The following MECOM variants were observed in gnomAD, a reference collection of about 807,000 sequenced individuals.
MECOM encodes the protein MDS1 and EVI1 complex locus.
MECOM carries 13 observed loss-of-function variants against 116.3 expected under a neutral mutation model. The observed-to-expected ratio is 0.11, with a 90% CI of 0.07 to 0.18. The LOEUF (loss-of-function observed/expected upper bound fraction) is 0.18. MECOM is among the 10% of genes least tolerant of loss of function. MECOM has a pLI of 1.00. For missense variants in MECOM, 1,299 were observed against 1,509.0 expected (o/e 0.86, Z 2.31); for synonymous variants, 528 against 535.2 (o/e 0.99, Z 0.19).
At chr3:169,588,988 A>G (rs556372846) in intron 1 of MECOM, among the ~76,000 whole-genome samples, 2 of 152,292 alleles carry the variant, frequency 1.3e-5, no homozygotes, top group Admixed American at 6.5e-5. Context: ...AAGAACCACC[A>G]TGTCCAATTA....
rs1776055961 is a variant in MECOM at position 169,659,909 on chromosome 3, G to A, written c.37+3427C>T. On this transcript the variant is annotated intron_variant, in intron 1 of 16. Coordinates refer to ENST00000651503, the MANE Select transcript of MECOM (RefSeq NM_004991.4). ...CAGAGAGCAAGTGTAGGAGTAACAA[G>A]TGCCCCCCTTGCCGCGGTCTTGCTA... is the stretch of plus-strand genomic sequence containing the variant. 2.0e-5 allele frequency among the ~76,000 whole-genome samples: 3 copies of A among 152,072 alleles called. No homozygotes were observed. The South Asian group carries it at 6.2e-4, about 32-fold the overall frequency.
In MECOM at chr3:169,102,128, G is replaced by T. The variant is rs778563448; in HGVS notation, c.2703C>A (p.Asn901Lys). The T allele has an allele frequency of 1.1e-5, 18 of 1,613,944 alleles. No homozygotes were observed. Among genetic ancestry groups the T allele is most frequent in the Non-Finnish European group, 1.0e-5 (12 of 1,179,902 alleles). ...GCAGGGCATTGGGAGGCGCCCTGAA[G>T]TTGAACATAGAGGGCACTGACTGTA... ...ELLQSVPSMF[N>K]FRAPPNALPE... The change falls in exon 11 of 17, where the codon AAC becomes AAA. Residue 901 changes from asparagine (N) to lysine (K), a missense_variant. Transcript: ENST00000651503.
intron 1 of MECOM, among the ~76,000 whole-genome samples, chr3:169,564,596 C>A (rs535004116): frequency 1.6e-4 from 25 of 152,252 alleles, no homozygotes; most frequent in African/African-American, 5.5e-4. Context: ...AGTGCCCCCC[C>A]AAAAAATACT....
chr3:169,193,879 T>C (rs924857234), intron 2 of MECOM, among the ~76,000 whole-genome samples: 6 of 152,046 alleles, frequency 3.9e-5, no homozygotes, highest in African/African-American at 1.4e-4. Flanking sequence ...TGAATACTAA[T>C]TGAAATTAAC....
chr3:169,641,343 A>T (rs148654094), intron 1 of MECOM, among the ~76,000 whole-genome samples: 1 of 152,308 alleles, frequency 6.6e-6, no homozygotes, highest in African/African-American at 2.4e-5. Context: ...CTATTTGCAT[A>T]GCCACACATC....
At chr3:169,136,950 C>T (rs1736540584) in intron 3 of MECOM, among the ~76,000 whole-genome samples, 1 of 152,100 alleles carries the variant, frequency 6.6e-6, no homozygotes, top group Non-Finnish European at 1.5e-5. Flanking sequence ...GAATGACCTT[C>T]AACCTATGCA....
intron 2 of MECOM, among the ~76,000 whole-genome samples, chr3:169,237,048 TAAAC>T (rs1017120693): frequency 3.5e-4 from 54 of 152,180 alleles, no homozygotes; most frequent in African/African-American, 1.2e-3. Context: ...GAGAAACAAA[TAAAC>T]AAAACATCTG....
chr3:169,658,174 C>T (rs1775762726), intron 1 of MECOM, among the ~76,000 whole-genome samples: 1 of 152,162 alleles, frequency 6.6e-6, no homozygotes, highest in Non-Finnish European at 1.5e-5. Context: ...TTATCCTGCG[C>T]CGTCCAGGAG....
intron 1 of MECOM, among the ~76,000 whole-genome samples, chr3:169,445,567 C>T (rs1744479931): frequency 6.6e-6 from 1 of 152,194 alleles, no homozygotes; most frequent in Non-Finnish European, 1.5e-5. Context: ...AGAACCTCTG[C>T]CAGGGCAGTG....
chr3:169,525,584 T>C (rs1757865757), intron 1 of MECOM, among the ~76,000 whole-genome samples: 1 of 152,226 alleles, frequency 6.6e-6, no homozygotes, highest in Non-Finnish European at 1.5e-5. Flanking sequence ...TGGTTTTGTT[T>C]TTTGTCTCCA....
At position 169,128,544 on chromosome 3, in the gene MECOM, A is replaced by G. The variant is rs545117821; in HGVS notation, c.614-484T>C. Among the ~76,000 whole-genome samples the G allele has an allele frequency of 3.9e-5, 6 of 152,230 alleles. No homozygotes were observed. In the East Asian group the frequency reaches 9.7e-4, roughly 24 times the overall value. On this transcript the variant is annotated intron_variant, in intron 4 of 16. Transcript: ENST00000651503. Reference sequence around the variant, plus strand: ...TTTTGAAACCATTTCTATTCCATACACTTCTTATTATGCCAGTGCCATATT... The same window carrying G: ...TTTTGAAACCATTTCTATTCCATACGCTTCTTATTATGCCAGTGCCATATT...
At chr3:169,510,076 G>A (rs1314782781) in intron 1 of MECOM, among the ~76,000 whole-genome samples, 1 of 152,226 alleles carries the variant, frequency 6.6e-6, no homozygotes, top group East Asian at 1.9e-4. Flanking sequence ...CACGTGCACC[G>A]TGCCAGTTAA....
intron 2 of MECOM, among the ~76,000 whole-genome samples, chr3:169,306,944 C>A (rs1028235051): frequency 6.6e-6 from 1 of 152,184 alleles, no homozygotes; most frequent in Non-Finnish European, 1.5e-5. Flanking sequence ...CTCTTATCTC[C>A]AACCCAGACC....
At chr3:169,654,896 T>G (rs764512114) in intron 1 of MECOM, among the ~76,000 whole-genome samples, 1 of 151,508 alleles carries the variant, frequency 6.6e-6, no homozygotes, top group Non-Finnish European at 1.5e-5. Flanking sequence ...AAGGTAATAT[T>G]CAAAAACCAT....
intron 2 of MECOM, among the ~76,000 whole-genome samples, chr3:169,325,125 A>C (rs1289532225): frequency 6.6e-6 from 1 of 152,194 alleles, no homozygotes; most frequent in East Asian, 1.9e-4. Flanking sequence ...CTTTGGGCCC[A>C]GAGGTGCACA....
chr3:169,224,322 T>C (rs1752478903), intron 2 of MECOM, among the ~76,000 whole-genome samples: 1 of 152,170 alleles, frequency 6.6e-6, no homozygotes, highest in African/African-American at 2.4e-5. Flanking sequence ...CAATACTGGC[T>C]AAGTGGATGG....
At chr3:169,415,539 T>C (rs1738416287) in intron 1 of MECOM, among the ~76,000 whole-genome samples, 1 of 152,114 alleles carries the variant, frequency 6.6e-6, no homozygotes, top group Non-Finnish European at 1.5e-5. Context: ...AATATTAACC[T>C]TAAATGCAAA....
At chr3:169,337,788 A>G (rs1340775009) in intron 2 of MECOM, among the ~76,000 whole-genome samples, 2 of 152,224 alleles carry the variant, frequency 1.3e-5, no homozygotes, top group African/African-American at 4.8e-5. Context: ...CCAGCCTTCT[A>G]CACAAATAGA....
chr3:169,105,752 T>C (rs1306583870), intron 10 of MECOM, among the ~76,000 whole-genome samples: 1 of 152,136 alleles, frequency 6.6e-6, no homozygotes, highest in African/African-American at 2.4e-5. Context: ...TGCAGCCAGA[T>C]GTCTGGAAGA....
Sources: allele counts gnomAD v4.1 joint callset (sites outside exome capture counted in the v4.1 genomes callset), GRCh38; gene constraint gnomAD v4.1.1; transcripts MANE v1.5; gene names NCBI Gene and HGNC (gene_info 2026-07-23, HGNC 2026-07-21).